The following FBRSL1 variants were observed in gnomAD, a reference collection of about 807,000 sequenced individuals.
FBRSL1 encodes the protein fibrosin-1-like protein.
FBRSL1 carries 51 observed loss-of-function variants against 89.6 expected under a neutral mutation model. The ratio of observed to expected loss-of-function variants is 0.57; its 90% CI spans 0.45 to 0.72. FBRSL1 has a LOEUF of 0.72. FBRSL1 is among the 30% of genes least tolerant of loss of function. The pLI is 0.00. For synonymous variants in FBRSL1, 779 were observed against 681.1 expected (o/e 1.14, Z -2.24); for missense variants, 1,618 against 1,451.8 (o/e 1.11, Z -1.86).
chr12:132,567,621 G>A (rs1421292256), intron 6 of FBRSL1, 95 bp downstream of exon 6: 4 of 1,321,174 alleles, frequency 3.0e-6, no homozygotes, highest in Non-Finnish European at 4.2e-6. Flanking sequence ...AGTCAGGGGA[G>A]AGATGGTCTT....
chr12:132,545,438 C>T (rs1433780306), intron 4 of FBRSL1, among the ~76,000 whole-genome samples: 2 of 152,266 alleles, frequency 1.3e-5, no homozygotes, highest in Non-Finnish European at 2.9e-5. Flanking sequence ...ACGCCCCTGC[C>T]TGCGCCTGGC....
At chr12:132,496,448 A>T (rs1246480636) in intron 1 of FBRSL1, among the ~76,000 whole-genome samples, 1 of 151,186 alleles carries the variant, frequency 6.6e-6, no homozygotes, top group African/African-American at 2.4e-5. Context: ...TGTTTTTGTC[A>T]CTCTGGAAGC....
rs1363791106 is a variant in FBRSL1, at chr12:132,499,345, TG to T, written c.291+8487del. Reference sequence around the variant, plus strand: ...CTGGGCAGCAGTGGTGCTGGACCTCTGGGAGAGGCCAGGTGAGCCGCTGGCC... The same window carrying T: ...CTGGGCAGCAGTGGTGCTGGACCTCTGGAGAGGCCAGGTGAGCCGCTGGCC... On this transcript the variant is annotated intron_variant, in intron 1 of 18. Coordinates refer to ENST00000680143, the MANE Select transcript of FBRSL1 (RefSeq NM_001367871.1). This position sits in a 1 kb window ranked among gnomAD's most constrained non-coding sequence, Gnocchi z 4.3. Among the ~76,000 whole-genome samples the T allele has an allele frequency of 6.6e-6, 1 of 151,950 alleles. No homozygotes were observed. The highest frequency in any genetic ancestry group is 1.5e-5 in the Non-Finnish European group (1 of 67,946).
rs147596665 is a variant in FBRSL1, at chr12:132,521,734, C to T, written c.490-4000C>T. On this transcript the variant is annotated intron_variant, in intron 2 of 18. Transcript: ENST00000680143. The stretch of plus-strand genomic sequence containing the variant: ...TGGCTGTCAGAGTTGTGCACTGCAC[C>T]GCTCCAGGGCTGCCATTCCCACCGT... 1.7e-4 allele frequency among the ~76,000 whole-genome samples: 26 copies of T among 152,268 alleles called. No homozygotes were observed. In the East Asian group the frequency reaches 4.1e-3, roughly 24 times the overall value.
intron 4 of FBRSL1, among the ~76,000 whole-genome samples, chr12:132,545,871 A>G (rs2037644101): frequency 6.6e-6 from 1 of 152,202 alleles, no homozygotes; most frequent in Admixed American, 6.5e-5. Context: ...CAGCAGGGAG[A>G]GGCCTCACTG....
rs1450677975 is a variant in FBRSL1 at position 132,574,174 on chromosome 12, C to T, written c.1599+16C>T. ...AGCGCCTGGGGTAGGTGTTAGTGGG[C>T]GCCCGTCCCCACCCCGGGGGATGGC... is the stretch of plus-strand genomic sequence containing the variant. On this transcript the variant is annotated intron_variant, in intron 12 of 18. Coordinates refer to ENST00000680143, the MANE Select transcript of FBRSL1 (RefSeq NM_001367871.1). 16 of 1,426,104 alleles carry T rather than the reference C, an allele frequency of 1.1e-5. No individual in the cohort carries two copies. The highest frequency in any genetic ancestry group is 1.5e-5 in the South Asian group (1 of 66,452). 88.3% of individuals were successfully genotyped at this position (1,426,104 alleles called of 1,614,324 possible). A position where few individuals can be genotyped will look rare whatever the true frequency, so the allele number is the denominator to read the frequency against.
At chr12:132,558,568 T>C (rs899260566) in intron 5 of FBRSL1, among the ~76,000 whole-genome samples, 1 of 152,216 alleles carries the variant, frequency 6.6e-6, no homozygotes, top group Non-Finnish European at 1.5e-5. Context: ...ATTTGGTAAG[T>C]AGTTCAAATA....
intron 4 of FBRSL1, among the ~76,000 whole-genome samples, chr12:132,531,148 C>G (rs1279042209): frequency 6.6e-6 from 1 of 152,084 alleles, no homozygotes; most frequent in Non-Finnish European, 1.5e-5. Context: ...GGTGGAGGAC[C>G]AAGAACCGGT....
intron 2 of FBRSL1, among the ~76,000 whole-genome samples, chr12:132,513,195 G>T (rs2034526887): frequency 6.6e-6 from 1 of 152,254 alleles, no homozygotes; most frequent in African/African-American, 2.4e-5. Flanking sequence ...CTGACCAGAA[G>T]ATGCAGCTGT....
Position 132,581,181 on chromosome 12 carries a change from G to A in FBRSL1, c.1835-258G>A, listed in dbSNP as rs1050795594. 3.4e-5 allele frequency: 33 copies of A among 979,650 alleles called. No individual in the cohort carries two copies. In the African/African-American group the frequency reaches 4.6e-4, roughly 14 times the overall value. 60.7% of individuals were successfully genotyped at this position (979,650 alleles called of 1,614,324 possible). A position where few individuals can be genotyped will look rare whatever the true frequency, so the allele number is the denominator to read the frequency against. The stretch of plus-strand genomic sequence containing the variant: ...GCCCCTTTGCTCCGAGGGTTGCATC[G>A]CACTCAGCACCTCCCTCCCTGCCCC... On this transcript the variant is annotated intron_variant, in intron 15 of 18. Transcript: ENST00000680143.
At position 132,570,235 on chromosome 12, in the gene FBRSL1, G is replaced by T. The variant is rs2039916394; in HGVS notation, c.1001G>T (p.Gly334Val). Residue 334 changes from glycine to valine, a missense_variant, in exon 7 of 19, where the codon GGC becomes GTC. Physicochemically the swap from Gly to Val is moderately radical, Grantham distance 109. Coordinates refer to ENST00000680143, the MANE Select transcript of FBRSL1 (RefSeq NM_001367871.1). ...HSQAAANGLH[G>V]LSRSSSAPLG... ...CAGGCGGCAGCCAACGGCCTGCACG[G>T]CCTCAGGTGGGGTCCCCGCGGGGGA... is the stretch of plus-strand genomic sequence containing the variant. 2 of 1,493,218 alleles carry T rather than the reference G, an allele frequency of 1.3e-6. No individual in the cohort carries two copies. The highest frequency in any genetic ancestry group is 1.8e-6 in the Non-Finnish European group (2 of 1,130,626). 92.5% of individuals were successfully genotyped at this position (1,493,218 alleles called of 1,614,324 possible).
At chr12:132,515,153 C>T (rs1043852866) in intron 2 of FBRSL1, among the ~76,000 whole-genome samples, 2 of 152,150 alleles carry the variant, frequency 1.3e-5, no homozygotes, top group Non-Finnish European at 2.9e-5. Context: ...TGGTTTGAGG[C>T]CAGACCTCAT....
rs2039987882 is a variant in FBRSL1, at chr12:132,571,249, C to G, written c.1377+18C>G. The G allele has an allele frequency of 6.8e-7, 1 of 1,476,384 alleles. No homozygotes were observed. Among genetic ancestry groups the G allele is most frequent in the South Asian group, 1.4e-5 (1 of 73,454 alleles). The allele number at this position is 1,476,384 out of a possible 1,614,324, so 91.5% of individuals were successfully genotyped here. The stretch of plus-strand genomic sequence containing the variant: ...AGTGCCAGGTGACTATCCGCCTCGC[C>G]CCGCCGGGAGCCCGCGGCCAACGTG... On this transcript the variant is annotated intron_variant, in intron 9 of 18. Coordinates refer to ENST00000680143, the MANE Select transcript of FBRSL1 (RefSeq NM_001367871.1).
At chr12:132,528,282 C>A (rs1015384987) in intron 4 of FBRSL1, among the ~76,000 whole-genome samples, 1 of 152,118 alleles carries the variant, frequency 6.6e-6, no homozygotes. Context: ...TTGCCAGGAG[C>A]CTCAGAGTAG....
chr12:132,515,342 G>A (rs1309791634), intron 2 of FBRSL1, among the ~76,000 whole-genome samples: 1 of 152,056 alleles, frequency 6.6e-6, no homozygotes. Flanking sequence ...CTCCCACCCA[G>A]CACACCCAGC....
intron 15 of FBRSL1, among the ~76,000 whole-genome samples, chr12:132,577,520 G>A (rs1356147067): frequency 6.6e-6 from 1 of 152,114 alleles, no homozygotes; most frequent in African/African-American, 2.4e-5. Flanking sequence ...GGTTTCCTAG[G>A]AAGGGTTCCA....
chr12:132,510,046 T>G, intron 2 of FBRSL1: 2 of 1,230,732 alleles, frequency 1.6e-6, no homozygotes, highest in Non-Finnish European at 2.0e-6. Context: ...CCCGGCCCAC[T>G]CACGCCTTCA....
At chr12:132,576,954 TG>T in intron 15 of FBRSL1, 23 bp downstream of exon 15, 1 of 1,540,844 alleles carries the variant, frequency 6.5e-7, no homozygotes, top group Non-Finnish European at 8.8e-7. Context: ...TCGGGCCAGG[TG>T]GGGGGCACAG....
chr12:132,537,856 G>T (rs533313823), intron 4 of FBRSL1, among the ~76,000 whole-genome samples: 2 of 152,228 alleles, frequency 1.3e-5, no homozygotes, highest in African/African-American at 4.8e-5. Flanking sequence ...CAACAGACAA[G>T]ACCATGGATA....
Sources: allele counts gnomAD v4.1 joint callset (sites outside exome capture counted in the v4.1 genomes callset), GRCh38; gene constraint gnomAD v4.1.1; non-coding constraint Gnocchi (gnomAD v3.1); transcripts MANE v1.5; gene names NCBI Gene and HGNC (gene_info 2026-07-23, HGNC 2026-07-21).